The following MFHAS1 variants were observed in gnomAD, a reference collection of about 807,000 sequenced individuals.
The protein encoded by MFHAS1 is multifunctional ROCO family signaling regulator 1.
A neutral mutation model predicts 70.4 loss-of-function variants in MFHAS1; 50 were observed. The ratio of observed to expected loss-of-function variants is 0.71; its 90% CI spans 0.57 to 0.90. The LOEUF (loss-of-function observed/expected upper bound fraction) is 0.90, where lower values mean the gene tolerates loss of function less well. Among genes scored for constraint, MFHAS1 ranks in the 40% least tolerant of loss-of-function variants. MFHAS1 has a pLI of 0.00. For synonymous variants in MFHAS1, 952 were observed against 620.0 expected (o/e 1.54, Z -7.96); for missense variants, 1,795 against 1,347.6 (o/e 1.33, Z -5.20).
intron 1 of MFHAS1, among the ~76,000 whole-genome samples, chr8:8,853,803 T>C (rs1045538601): frequency 6.6e-6 from 1 of 152,178 alleles, no homozygotes; most frequent in Non-Finnish European, 1.5e-5. Flanking sequence ...TGACCTCAAG[T>C]GATCCCCCTA....
chr8:8,893,012 C>G lies in MFHAS1; in HGVS notation c.47G>C (p.Arg16Pro). The change falls in exon 1 of 3, where the codon CGG (arginine) becomes CCG (proline). Residue 16 changes from arginine to proline, a missense_variant. By Grantham distance (103) the Arg-to-Pro change is moderately radical. Coordinates refer to ENST00000276282, the MANE Select transcript of MFHAS1 (RefSeq NM_004225.3). ...SGNLKTARLWRDAALRARKLR... is the reference protein window; with the variant it reads ...SGNLKTARLWPDAALRARKLR... ...CTTCCTGGCACGCAGGGCGGCGTCC[C>G]GCCACAGCCTCGCGGTCTTCAGGTT... The G allele has an allele frequency of 6.5e-7, 1 of 1,539,308 alleles. No individual in the cohort carries two copies. The highest frequency in any genetic ancestry group is 8.7e-7 in the Non-Finnish European group (1 of 1,146,072).
chr8:8,847,791 G>A (rs189539194), intron 1 of MFHAS1, among the ~76,000 whole-genome samples: 4 of 152,272 alleles, frequency 2.6e-5, no homozygotes, highest in East Asian at 1.9e-4. Flanking sequence ...AACCGCTTCA[G>A]ACAGCAGGTG....
chr8:8,878,335 T>C (rs1809375811), intron 1 of MFHAS1, among the ~76,000 whole-genome samples: 1 of 152,214 alleles, frequency 6.6e-6, no homozygotes, highest in Admixed American at 6.5e-5. Flanking sequence ...ACTTAATTTC[T>C]AAATGTCAAT....
chr8:8,789,417 G>C (rs1458718121), intron 2 of MFHAS1, among the ~76,000 whole-genome samples: 3 of 152,158 alleles, frequency 2.0e-5, no homozygotes, highest in Admixed American at 2.0e-4. Context: ...AGACATCCAG[G>C]GATGATGCCA....
rs547497962 is a variant in MFHAS1, at chr8:8,892,906, G to A, written c.153C>T (p.Pro51=). The change falls in exon 1 of 3, where the codon CCC becomes CCT. Residue 51 remains proline, a synonymous_variant. Transcript: ENST00000276282. This position sits in a 1 kb window ranked among gnomAD's most constrained non-coding sequence, Gnocchi z 4.7. ...PGAGADALES[P]ASPQLVLPAN... ...CCGGCAGCACGAGCTGGGGGGAGGC[G>A]GGGGACTCGAGCGCGTCGGCCCCGG... The A allele has an allele frequency of 2.5e-6, 4 of 1,569,076 alleles. No homozygotes were observed. The highest frequency in any genetic ancestry group is 2.8e-5 in the African/African-American group (2 of 72,182).
chr8:8,882,498 G>A lies in MFHAS1; in HGVS notation c.2998+7563C>T, dbSNP rs140844943. 8.8e-3 allele frequency among the ~76,000 whole-genome samples: 1,347 copies of A among 152,302 alleles called. 16 individuals are homozygous for A. The highest frequency in any genetic ancestry group is 0.051 in the Middle Eastern group (15 of 294). On this transcript the variant is annotated intron_variant, in intron 1 of 2. Coordinates refer to ENST00000276282, the MANE Select transcript of MFHAS1 (RefSeq NM_004225.3). ...GTGGTGGCACACGCCTGTAATCCCA[G>A]CTACTCAGGAGGCTGAGGCAGAAGA...
At chr8:8,808,099 T>C (rs1387886447) in intron 1 of MFHAS1, among the ~76,000 whole-genome samples, 2 of 152,218 alleles carry the variant, frequency 1.3e-5, no homozygotes, top group Non-Finnish European at 2.9e-5. Context: ...AAATCTCCTG[T>C]GTCCACTGTC....
In MFHAS1 at chr8:8,893,405, C is replaced by T. The variant is rs1176656537; in HGVS notation, c.-347G>A. On this transcript the variant is annotated 5_prime_UTR_variant, in exon 1 of 3. Transcript: ENST00000276282. ...GCGCCTCGGGGGGCCCGGCTCCGGC[C>T]CCGCTACCCTCGCAGCCGCGGTCCC... 1 of 145,882 alleles carries T rather than the reference C, an allele frequency of 6.9e-6. No individual in the cohort carries two copies. Among genetic ancestry groups the T allele is most frequent in the Non-Finnish European group, 1.5e-5 (1 of 65,600 alleles). 9.0% of individuals were successfully genotyped at this position (145,882 alleles called of 1,614,324 possible).
intron 1 of MFHAS1, among the ~76,000 whole-genome samples, chr8:8,879,840 C>T (rs531324890): frequency 9.2e-5 from 14 of 152,314 alleles, no homozygotes; most frequent in African/African-American, 1.4e-4. Context: ...CAGTGATTGA[C>T]GACACTTATC....
intron 1 of MFHAS1, among the ~76,000 whole-genome samples, chr8:8,845,958 G>A (rs1385552022): frequency 6.6e-6 from 1 of 152,038 alleles, no homozygotes; most frequent in Middle Eastern, 3.4e-3. Context: ...CCTCCAAACA[G>A]ATCTAGAAAA....
chr8:8,812,461 C>T (rs994236318), intron 1 of MFHAS1, among the ~76,000 whole-genome samples: 2 of 152,146 alleles, frequency 1.3e-5, no homozygotes, highest in Admixed American at 1.3e-4. Context: ...CTCCTGGCAC[C>T]ACAGCCTGGA....
chr8:8,790,081 T>A (rs2117244372), intron 2 of MFHAS1, among the ~76,000 whole-genome samples: 1 of 152,342 alleles, frequency 6.6e-6, no homozygotes, highest in East Asian at 1.9e-4. Flanking sequence ...ACTTCCTTTT[T>A]TGAACAAGGA....
chr8:8,831,415 T>G (rs1168003786), intron 1 of MFHAS1, among the ~76,000 whole-genome samples: 1 of 152,002 alleles, frequency 6.6e-6, no homozygotes, highest in Non-Finnish European at 1.5e-5. Flanking sequence ...AAATACACCT[T>G]CTTGTCTACA....
Position 8,810,994 on chromosome 8 carries a change from C to G in MFHAS1, c.2999-13503G>C, listed in dbSNP as rs538735140. The stretch of plus-strand genomic sequence containing the variant: ...GCTTGCAATCGGACCCACAGCACCT[C>G]AAGGCCAGAAGGAACCTTGAAATGG... On this transcript the variant is annotated intron_variant, in intron 1 of 2. Coordinates refer to ENST00000276282, the MANE Select transcript of MFHAS1 (RefSeq NM_004225.3). 1.2e-4 allele frequency among the ~76,000 whole-genome samples: 19 copies of G among 152,246 alleles called. No individual in the cohort carries two copies. In the South Asian group the frequency reaches 2.9e-3, roughly 23 times the overall value.
intron 1 of MFHAS1, among the ~76,000 whole-genome samples, chr8:8,853,922 A>C (rs939622439): frequency 1.3e-5 from 2 of 152,212 alleles, no homozygotes; most frequent in African/African-American, 4.8e-5. Context: ...TCACTAACAC[A>C]CTGGTGAAGG....
At chr8:8,843,997 C>T (rs1215489857) in intron 1 of MFHAS1, among the ~76,000 whole-genome samples, 3 of 152,170 alleles carry the variant, frequency 2.0e-5, no homozygotes, top group Non-Finnish European at 4.4e-5. Context: ...ATCCACTGTT[C>T]TCTGGGACTC....
intron 1 of MFHAS1, among the ~76,000 whole-genome samples, chr8:8,887,528 C>A (rs945648500): frequency 1.3e-5 from 2 of 149,866 alleles, no homozygotes; most frequent in Non-Finnish European, 3.0e-5. Context: ...AAAATATGTA[C>A]GTTGGTGTAT....
chr8:8,845,323 G>A (rs1178733185), intron 1 of MFHAS1, among the ~76,000 whole-genome samples: 1 of 152,150 alleles, frequency 6.6e-6, no homozygotes, highest in Non-Finnish European at 1.5e-5. Context: ...ACCAATATTG[G>A]CAAGATTACA....
chr8:8,829,057 G>C (rs577690494), intron 1 of MFHAS1, among the ~76,000 whole-genome samples: 4 of 152,192 alleles, frequency 2.6e-5, no homozygotes, highest in African/African-American at 9.7e-5. Context: ...GGACACTGCA[G>C]AATGGGCCCT....
Sources: gnomAD v4.1 joint callset for allele counts (sites outside exome capture counted in the v4.1 genomes callset) on GRCh38, gnomAD v4.1.1 for gene constraint, Gnocchi (gnomAD v3.1) non-coding constraint, MANE v1.5 for transcripts, NCBI Gene and HGNC (gene_info 2026-07-23, HGNC 2026-07-21) for gene names.